The following TUBGCP3 variants were observed in gnomAD, a reference collection of about 807,000 sequenced individuals.
TUBGCP3 encodes the protein tubulin gamma complex component 3.
A neutral mutation model predicts 123.1 loss-of-function variants in TUBGCP3; 50 were observed. The ratio of observed to expected loss-of-function variants is 0.41; its 90% confidence interval spans 0.32 to 0.51. TUBGCP3 has a LOEUF of 0.51. Among genes scored for constraint, TUBGCP3 ranks in the 20% least tolerant of loss-of-function variants. TUBGCP3 has a pLI of 0.36. For synonymous variants in TUBGCP3, 405 were observed against 413.9 expected, an observed-to-expected ratio of 0.98 and a Z score of 0.26; for missense variants, 882 against 1,127.0, an observed-to-expected ratio of 0.78 and a Z score of 3.11.
In TUBGCP3 at chr13:112,554,063, G is replaced by A. The variant is rs143669831; in HGVS notation, c.960C>T (p.Val320=). The A allele has an allele frequency of 5.0e-5, 81 of 1,612,454 alleles. No individual in the cohort carries two copies. The highest frequency in any genetic ancestry group is 9.9e-5 in the South Asian group (9 of 90,588). ...CTAGGAACCATGAACGCACCTGCCCGACGAGTCCGAATGAGCGGTCCAGGC... is the reference window on the plus strand; with the variant it reads ...CTAGGAACCATGAACGCACCTGCCCAACGAGTCCGAATGAGCGGTCCAGGC... The part of the protein sequence containing the change: ...QRSLDRSFGL[V]GQSFCAALHQ... The change falls in exon 8 of 22, where the codon GTC becomes GTT. Residue 320 remains valine (V), a synonymous_variant. Transcript: ENST00000261965.
the TUBGCP3 span, chr13:112,603,521 G>A: frequency 2.0e-5 from 3 of 152,230 alleles, no homozygotes; most frequent in Non-Finnish European, 2.9e-5. Flanking sequence ...TCAGGAGATC[G>A]AGACCATCCT....
At chr13:112,496,174 T>A (rs922764287) in intron 20 of TUBGCP3, among the ~76,000 whole-genome samples, 2 of 152,100 alleles carry the variant, frequency 1.3e-5, no homozygotes, top group Non-Finnish European at 2.9e-5. Flanking sequence ...GATATATTGA[T>A]AAAAAATGAA....
chr13:112,582,427 C>A (rs1036469740), intron 1 of TUBGCP3, among the ~76,000 whole-genome samples: 2 of 152,152 alleles, frequency 1.3e-5, no homozygotes, highest in Non-Finnish European at 2.9e-5. Flanking sequence ...TATGACAGCT[C>A]ATGACCAGGA....
At chr13:112,514,358 A>G (rs142421862) in intron 17 of TUBGCP3, among the ~76,000 whole-genome samples, 1,762 of 152,222 alleles carry the variant, frequency 0.012, 32 homozygotes, top group African/African-American at 0.039. Flanking sequence ...ACAGCAAAAC[A>G]AAGAAAAAAG....
chr13:112,592,958 A>G (rs1439681284), upstream of TUBGCP3, among the ~76,000 whole-genome samples: 1 of 152,262 alleles, frequency 6.6e-6, no homozygotes, highest in African/African-American at 2.4e-5. This position sits in a 1 kb window ranked among gnomAD's most constrained non-coding sequence, Gnocchi z 4.1. Context: ...CAATAAAACT[A>G]GTTTCGAAAA....
At chr13:112,513,246 A>G (rs1192847192) in intron 17 of TUBGCP3, among the ~76,000 whole-genome samples, 1 of 152,188 alleles carries the variant, frequency 6.6e-6, no homozygotes, top group African/African-American at 2.4e-5. Flanking sequence ...AATGTTTTTT[A>G]GATTAATTGA....
At chr13:112,573,533 C>T (rs1331610068) in intron 1 of TUBGCP3, among the ~76,000 whole-genome samples, 1 of 152,120 alleles carries the variant, frequency 6.6e-6, no homozygotes, top group Non-Finnish European at 1.5e-5. Context: ...AGGAAAAAAT[C>T]CAGGCTCTCA....
chr13:112,517,855 C>T (rs989339832), intron 16 of TUBGCP3, among the ~76,000 whole-genome samples: 4 of 152,146 alleles, frequency 2.6e-5, no homozygotes, highest in African/African-American at 9.7e-5. Context: ...TGTACCACTG[C>T]ACTCCCAGCC....
Position 112,547,551 on chromosome 13 carries a change from G to A in TUBGCP3, c.1168+69C>T, listed in dbSNP as rs558271501. ...GGAAAGACGTGCATGGGAAAGTCGC[G>A]CGTGGGAAAGTCGCGCGTGGGAAAG... On this transcript the variant is annotated intron_variant, in intron 10 of 21. Transcript: ENST00000261965. 5.2e-5 allele frequency: 45 copies of A among 863,224 alleles called. 1 individual carries two copies. In the East Asian group the frequency reaches 7.7e-4, roughly 15 times the overall value. 53.5% of individuals were successfully genotyped at this position (863,224 alleles called of 1,614,324 possible).
the TUBGCP3 span, among the ~76,000 whole-genome samples, chr13:112,600,470 C>T: frequency 8.9e-4 from 135 of 152,200 alleles, no homozygotes; most frequent in Non-Finnish European, 1.6e-3. Flanking sequence ...ATCATATCAA[C>T]GGATTGAAAC....
chr13:112,521,186 CACTCAT>C (rs1876590281), intron 14 of TUBGCP3, among the ~76,000 whole-genome samples: 2 of 152,180 alleles, frequency 1.3e-5, no homozygotes, highest in African/African-American at 4.8e-5. Context: ...AGCTCATCAC[CACTCAT>C]ACTTCAAACA....
At position 112,556,153 on chromosome 13, in the gene TUBGCP3, A is replaced by G. The variant is rs1467092140; in HGVS notation, c.620T>C (p.Leu207Ser). ...QQLGSRLAWT[L>S]TANQPSSQAT... ...TTGTGAAGAAGGCTGATTTGCAGTTAAAGTCCATGCGAGTCGTGACCCCAA... is the reference window on the plus strand; with the variant it reads ...TTGTGAAGAAGGCTGATTTGCAGTTGAAGTCCATGCGAGTCGTGACCCCAA... The change falls in exon 6 of 22, where the codon TTA becomes TCA. Residue 207 changes from leucine to serine, a missense_variant. Transcript: ENST00000261965. 2 of 1,614,120 alleles carry G rather than the reference A, an allele frequency of 1.2e-6. No individual in the cohort carries two copies. Among genetic ancestry groups the G allele is most frequent in the Admixed American group, 1.7e-5 (1 of 60,018 alleles).
At chr13:112,594,849 C>G in the TUBGCP3 span, among the ~76,000 whole-genome samples, 29 of 152,100 alleles carry the variant, frequency 1.9e-4, no homozygotes, top group African/African-American at 6.5e-4. Context: ...TGTGTTATTT[C>G]TTTTTCATGT....
intron 12 of TUBGCP3, 31 bp downstream of exon 12, chr13:112,527,343 T>G (rs1168323551): frequency 1.4e-6 from 2 of 1,468,138 alleles, no homozygotes; most frequent in Admixed American, 2.3e-5. Context: ...CCATAAAACA[T>G]CAAAATCACA....
chr13:112,546,063 T>C lies in TUBGCP3; in HGVS notation c.1169-198A>G. On this transcript the variant is annotated intron_variant, in intron 10 of 21. Coordinates refer to ENST00000261965, the MANE Select transcript of TUBGCP3 (RefSeq NM_006322.6). ...AACCAGGAGGTCCAGACTCCAACCC[T>C]GGCTTTACACAAGTGTGTGAGTCAC... 5.5e-6 allele frequency: 3 copies of C among 541,804 alleles called. No homozygotes were observed. The South Asian group carries it at 8.6e-5, about 15-fold the overall frequency. 33.6% of individuals were successfully genotyped at this position (541,804 alleles called of 1,614,324 possible).
At chr13:112,535,638 G>C (rs1406143145) in intron 11 of TUBGCP3, among the ~76,000 whole-genome samples, 4 of 152,064 alleles carry the variant, frequency 2.6e-5, no homozygotes, top group Non-Finnish European at 1.5e-5. Context: ...TTTTCTTGTT[G>C]AGTTGTGATA....
intron 20 of TUBGCP3, among the ~76,000 whole-genome samples, chr13:112,495,416 C>T (rs1329519571): frequency 6.6e-6 from 1 of 152,146 alleles, no homozygotes; most frequent in Non-Finnish European, 1.5e-5. Flanking sequence ...CAATATTTCA[C>T]CCCCAAGAAT....
chr13:112,485,119 A>G lies in TUBGCP3; in HGVS notation c.*874T>C, dbSNP rs1193782247. ...ACAAAAAACAATCCCCCCCACCCCA[A>G]CATCTTGGTCAGTAGTATATAAATA... On this transcript the variant is annotated 3_prime_UTR_variant, in exon 22 of 22. Coordinates refer to ENST00000261965, the MANE Select transcript of TUBGCP3 (RefSeq NM_006322.6). The G allele has an allele frequency of 6.6e-6, 1 of 152,314 alleles. No homozygotes were observed. The highest frequency in any genetic ancestry group is 2.4e-5 in the African/African-American group (1 of 41,388). The allele number at this position is 152,314 out of a possible 1,614,324, so 9.4% of individuals were successfully genotyped here. A position where few individuals can be genotyped will look rare whatever the true frequency, so the allele number is the denominator to read the frequency against.
chr13:112,510,963 C>G (rs745523948), intron 17 of TUBGCP3, among the ~76,000 whole-genome samples: 1 of 152,054 alleles, frequency 6.6e-6, no homozygotes, highest in Non-Finnish European at 1.5e-5. Flanking sequence ...AGCAAGCACA[C>G]CTCCTGCAGG....
Sources: allele counts gnomAD v4.1 joint callset (sites outside exome capture counted in the v4.1 genomes callset), GRCh38; gene constraint gnomAD v4.1.1; non-coding constraint Gnocchi (gnomAD v3.1); transcripts MANE v1.5; gene names NCBI Gene and HGNC (gene_info 2026-07-23, HGNC 2026-07-21).